TLE1: variants seen among roughly 807,000 people sequenced by gnomAD.
TLE1 encodes the protein TLE family member 1, transcriptional corepressor, also known as transducin-like enhancer protein 1.
TLE1 carries 21 observed loss-of-function variants against 89.8 expected under a neutral mutation model. The observed-to-expected ratio is 0.23, with a 90% CI of 0.17 to 0.34. The LOEUF (loss-of-function observed/expected upper bound fraction) is 0.34, where lower values mean the gene tolerates loss of function less well. TLE1 is among the 10% of genes least tolerant of loss of function. TLE1 has a pLI of 1.00. For missense variants in TLE1, 795 were observed against 1,031.2 expected (o/e 0.77, Z 3.14); for synonymous variants, 447 against 407.6 (o/e 1.10, Z -1.16).
intron 10 of TLE1, among the ~76,000 whole-genome samples, 170 bp from the exon 11 acceptor site, chr9:81,616,304 T>C (rs1161420028): frequency 1.3e-5 from 2 of 151,752 alleles, no homozygotes; most frequent in African/African-American, 4.8e-5. Context: ...TCGGCAAACA[T>C]ACCTGCAAAC....
chr9:81,603,868 G>A (rs945759017), intron 14 of TLE1, among the ~76,000 whole-genome samples: 31 of 152,206 alleles, frequency 2.0e-4, no homozygotes, highest in East Asian at 3.9e-4. Context: ...CGGACATGGC[G>A]GTGTACGCTT....
intron 6 of TLE1, among the ~76,000 whole-genome samples, chr9:81,638,025 G>T (rs1455122765): frequency 6.6e-6 from 1 of 152,104 alleles, no homozygotes; most frequent in Non-Finnish European, 1.5e-5. Context: ...AATAAGAAAG[G>T]AAAAGGGCAA....
At chr9:81,687,248 T>C in intron 2 of TLE1, 86 bp downstream of exon 2, 2 of 1,127,650 alleles carry the variant, frequency 1.8e-6, no homozygotes, top group South Asian at 2.8e-5. Flanking sequence ...ACGCAAGAAC[T>C]AAGTACAGGC....
intron 4 of TLE1, among the ~76,000 whole-genome samples, chr9:81,673,582 A>G (rs1055954490): frequency 1.3e-5 from 2 of 152,084 alleles, no homozygotes; most frequent in Admixed American, 1.3e-4. Flanking sequence ...AACTCACTTA[A>G]TCTTGGTAAT....
At chr9:81,627,817 G>A (rs1481447384) in intron 8 of TLE1, among the ~76,000 whole-genome samples, 1 of 152,178 alleles carries the variant, frequency 6.6e-6, no homozygotes, top group Admixed American at 6.5e-5. Flanking sequence ...ATAAGCAGCT[G>A]AGATCAGTTT....
At chr9:81,625,530 C>T (rs909399022) in intron 8 of TLE1, among the ~76,000 whole-genome samples, 2 of 151,972 alleles carry the variant, frequency 1.3e-5, no homozygotes, top group Non-Finnish European at 2.9e-5. Context: ...TTCCTGGATG[C>T]GAGAGGCCAA....
chr9:81,669,224 T>C (rs1831891344), intron 4 of TLE1, among the ~76,000 whole-genome samples: 1 of 152,188 alleles, frequency 6.6e-6, no homozygotes, highest in Non-Finnish European at 1.5e-5. Flanking sequence ...AGATGATCTG[T>C]GGTGAGGATG....
At chr9:81,602,820 AAAG>A (rs1486768955) in intron 14 of TLE1, among the ~76,000 whole-genome samples, 2 of 152,072 alleles carry the variant, frequency 1.3e-5, no homozygotes, top group Non-Finnish European at 2.9e-5. Flanking sequence ...GAATTTTAAC[AAAG>A]AATAAGACTG....
In TLE1 at chr9:81,585,596, G is replaced by C. The variant is rs1828281266; in HGVS notation, c.2037C>G (p.Ser679Arg). 1 of 1,614,110 alleles carries C rather than the reference G, an allele frequency of 6.2e-7. No individual in the cohort carries two copies. Among genetic ancestry groups the C allele is most frequent in the South Asian group, 1.1e-5 (1 of 91,082 alleles). ...GEWLAVGMES[S>R]NVEVLHVNKP... Reference sequence around the variant, plus strand: ...TGTTCACGTGCAGCACCTCCACATTGCTGCTCTCCATGCCCACTGCCAGCC... The same window carrying C: ...TGTTCACGTGCAGCACCTCCACATTCCTGCTCTCCATGCCCACTGCCAGCC... Residue 679 changes from serine (S) to arginine (R), a missense_variant, in exon 18 of 20, where the codon AGC becomes AGG. By Grantham distance (110) the Ser-to-Arg change is moderately radical. This residue lies in a region of TLE1 where 214 missense variants were observed against 354.9 expected (regional missense o/e 0.60). Coordinates refer to ENST00000376499, the MANE Select transcript of TLE1 (RefSeq NM_005077.5).
At chr9:81,660,053 T>C (rs967243522) in intron 4 of TLE1, among the ~76,000 whole-genome samples, 4 of 152,144 alleles carry the variant, frequency 2.6e-5, no homozygotes, top group East Asian at 1.9e-4. Flanking sequence ...AAAATCACCA[T>C]GTCATACAAA....
chr9:81,645,321 C>T (rs952054596), intron 6 of TLE1, among the ~76,000 whole-genome samples: 9 of 149,698 alleles, frequency 6.0e-5, no homozygotes, highest in Non-Finnish European at 1.5e-5. Context: ...GCCAAGATCG[C>T]GCCATTGCAC....
chr9:81,630,213 G>A (rs900204836), intron 8 of TLE1, among the ~76,000 whole-genome samples: 4 of 151,596 alleles, frequency 2.6e-5, no homozygotes, highest in African/African-American at 9.7e-5. Flanking sequence ...TCCCTTAAGG[G>A]TCCCGGAGAC....
chr9:81,587,285 G>A (rs1433095242), intron 17 of TLE1, among the ~76,000 whole-genome samples: 2 of 152,096 alleles, frequency 1.3e-5, no homozygotes, highest in African/African-American at 4.8e-5. Flanking sequence ...GTGACATTCT[G>A]CAGATTTCTC....
Position 81,634,375 on chromosome 9 carries a change from C to T in TLE1, c.373-74G>A, listed in dbSNP as rs1012653351. On this transcript the variant is annotated intron_variant, in intron 6 of 19. Transcript: ENST00000376499. ...GTGGTGACAGTGATGGCGATGGAGG[C>T]GGCATCCAGGGGAAAACAGACATGA... 4.7e-6 allele frequency: 6 copies of T among 1,274,030 alleles called. No homozygotes were observed. The Admixed American group carries it at 1.8e-4, about 37-fold the overall frequency. The allele number at this position is 1,274,030 out of a possible 1,614,324, so 78.9% of individuals were successfully genotyped here.
At chr9:81,598,312 C>T (rs7045812) in intron 14 of TLE1, among the ~76,000 whole-genome samples, 20,366 of 152,048 alleles carry the variant, frequency 0.13, 1,512 homozygotes, top group South Asian at 0.19. Context: ...ACAAACTGTT[C>T]CCTCCCGCTA....
rs746204682 is a variant in TLE1 at position 81,585,518 on chromosome 9, T to C, written c.2115A>G (p.Lys705=). The C allele has an allele frequency of 1.2e-4, 197 of 1,613,488 alleles. No homozygotes were observed. Among genetic ancestry groups the C allele is most frequent in the Middle Eastern group, 1.0e-3 (6 of 5,870 alleles). ...HLHESCVLSL[K]FAYCGKWFVS... is the part of the protein sequence containing the mutation. ...GGCTGAACTCACCACAGTAAGCAAA[T>C]TTCAGGGACAGCACGCAGCTCTCAT... The change falls in exon 18 of 20, where the codon AAA becomes AAG. Residue 705 remains lysine (K), a synonymous_variant. Transcript: ENST00000376499.
At chr9:81,612,115 TG>T (rs1335498960) in intron 12 of TLE1, among the ~76,000 whole-genome samples, 156 bp from the exon 13 acceptor site, 4 of 152,132 alleles carry the variant, frequency 2.6e-5, no homozygotes, top group African/African-American at 9.7e-5. Context: ...ATTTATACAC[TG>T]GATCCCTCCT....
intron 12 of TLE1, chr9:81,612,458 C>T: frequency 1.3e-6 from 1 of 782,520 alleles, no homozygotes; most frequent in Non-Finnish European, 1.6e-6. Context: ...TTCCTTTGGG[C>T]CCAGGTTGTT....
chr9:81,659,679 G>A (rs775663227), intron 4 of TLE1, among the ~76,000 whole-genome samples: 2 of 152,058 alleles, frequency 1.3e-5, no homozygotes, highest in East Asian at 1.9e-4. Flanking sequence ...ATTTGCATAT[G>A]GTAATACAGT....
Sources: allele counts gnomAD v4.1 joint callset (sites outside exome capture counted in the v4.1 genomes callset), GRCh38; gene constraint gnomAD v4.1.1; regional missense constraint gnomAD v4.1.1; transcripts MANE v1.5; gene names NCBI Gene and HGNC (gene_info 2026-07-23, HGNC 2026-07-21).